Variants in IQGAP2 observed in about 807,000 individuals in gnomAD.
The protein encoded by IQGAP2 is ras GTPase-activating-like protein IQGAP2.
A neutral mutation model predicts 201.3 loss-of-function variants in IQGAP2; 173 were observed. That is an observed-to-expected ratio of 0.86 (90% confidence interval 0.76 to 0.98). The LOEUF (loss-of-function observed/expected upper bound fraction) is 0.98, where lower values mean the gene tolerates loss of function less well. Ranked by LOEUF, IQGAP2 falls within the 50% of genes least tolerant of loss-of-function variation. The pLI is 0.00. For synonymous variants in IQGAP2, 675 were observed against 673.9 expected (o/e 1.00, Z -0.03); for missense variants, 1,687 against 1,864.8 (o/e 0.90, Z 1.76).
chr5:76,692,558 G>A (rs530342535), intron 30 of IQGAP2, among the ~76,000 whole-genome samples: 8 of 152,158 alleles, frequency 5.3e-5, no homozygotes, highest in East Asian at 1.9e-4. Flanking sequence ...ACCTTTGTAC[G>A]TAATTACATA....
chr5:76,440,176 C>A (rs1053693333), intron 1 of IQGAP2, among the ~76,000 whole-genome samples: 1 of 152,038 alleles, frequency 6.6e-6, no homozygotes, highest in African/African-American at 2.4e-5. Flanking sequence ...AAGATAGGAC[C>A]CCAGTCCCTT....
At chr5:76,643,042 CAAA>C (rs909578717) in intron 17 of IQGAP2, among the ~76,000 whole-genome samples, 1 of 151,780 alleles carries the variant, frequency 6.6e-6, no homozygotes, top group African/African-American at 2.4e-5. Flanking sequence ...TGTTCATAAA[CAAA>C]AAAGATTTTA....
chr5:76,659,047 A>G (rs1743014721), intron 21 of IQGAP2, among the ~76,000 whole-genome samples: 1 of 152,186 alleles, frequency 6.6e-6, no homozygotes, highest in Non-Finnish European at 1.5e-5. Flanking sequence ...GTTGACTGAA[A>G]CATTATGTTG....
At chr5:76,552,065 C>T (rs982036578) in intron 2 of IQGAP2, among the ~76,000 whole-genome samples, 1 of 152,168 alleles carries the variant, frequency 6.6e-6, no homozygotes, top group Non-Finnish European at 1.5e-5. Flanking sequence ...TGAACACTTT[C>T]GTTGTGGGGT....
intron 2 of IQGAP2, among the ~76,000 whole-genome samples, chr5:76,539,428 A>G (rs1650565328): frequency 6.6e-6 from 1 of 152,166 alleles, no homozygotes; most frequent in African/African-American, 2.4e-5. Flanking sequence ...ACTCCCTGAC[A>G]TGCTCCGTTC....
At position 76,606,279 on chromosome 5, in the gene IQGAP2, G is replaced by A. The variant is rs747576094; in HGVS notation, c.1333G>A (p.Ala445Thr). 3.8e-5 allele frequency: 61 copies of A among 1,599,034 alleles called. No homozygotes were observed. The highest frequency in any genetic ancestry group is 5.1e-6 in the Non-Finnish European group (6 of 1,172,946). Residue 445 changes from alanine (A) to threonine (T), a missense_variant, in exon 12 of 36, where the codon GCT becomes ACT. Physicochemically the swap from Ala to Thr is moderately conservative, Grantham distance 58. Transcript: ENST00000274364. ...EIQNCIDMVN[A>T]QIQEENDRVV... The stretch of plus-strand genomic sequence containing the variant: ...TCAGAATTGTATTGATATGGTTAAT[G>A]CTCAAATTCAAGAAGAAAATGACCG...
intron 2 of IQGAP2, among the ~76,000 whole-genome samples, chr5:76,525,028 G>A (rs1370856230): frequency 6.6e-6 from 1 of 152,162 alleles, no homozygotes; most frequent in East Asian, 1.9e-4. Context: ...TTATGCATGC[G>A]AGTCTGGTGT....
At chr5:76,529,350 C>T (rs1173882302) in intron 2 of IQGAP2, among the ~76,000 whole-genome samples, 1 of 152,082 alleles carries the variant, frequency 6.6e-6, no homozygotes, top group East Asian at 1.9e-4. Context: ...TTTTTGAGGG[C>T]TGGGCGCAGT....
intron 30 of IQGAP2, among the ~76,000 whole-genome samples, chr5:76,688,411 T>C (rs1580824625): frequency 1.3e-5 from 2 of 152,332 alleles, no homozygotes; most frequent in East Asian, 3.9e-4. Flanking sequence ...ATTATGTTTG[T>C]AAATTTAATT....
chr5:76,551,777 AGGT>A, intron 2 of IQGAP2, among the ~76,000 whole-genome samples: 1 of 151,348 alleles, frequency 6.6e-6, no homozygotes, highest in East Asian at 2.0e-4. Context: ...TCAGGCAGGG[AGGT>A]TGCAGTGAGC....
At chr5:76,560,815 G>A (rs566158638) in intron 2 of IQGAP2, among the ~76,000 whole-genome samples, 17 of 152,158 alleles carry the variant, frequency 1.1e-4, no homozygotes, top group East Asian at 9.6e-4. Context: ...CCTCCCATCC[G>A]TTGGAAATAT....
chr5:76,684,896 C>T (rs1213912232), intron 30 of IQGAP2, among the ~76,000 whole-genome samples: 2 of 152,056 alleles, frequency 1.3e-5, no homozygotes, highest in African/African-American at 4.8e-5. Context: ...AGAGCTTCTT[C>T]ACTGTGCTGT....
At chr5:76,614,566 G>A (rs186076627) in intron 13 of IQGAP2, among the ~76,000 whole-genome samples, 159 of 113,550 alleles carry the variant, frequency 1.4e-3, no homozygotes, top group African/African-American at 5.2e-3. Flanking sequence ...TAATTCTGTT[G>A]TTTGGCAATG....
At chr5:76,622,233 C>A (rs756865284) in intron 13 of IQGAP2, among the ~76,000 whole-genome samples, 1 of 152,166 alleles carries the variant, frequency 6.6e-6, no homozygotes, top group Non-Finnish European at 1.5e-5. Context: ...GAAAACCTTG[C>A]TTCTTTTGCA....
At position 76,403,663 on chromosome 5, in the gene IQGAP2, G is replaced by A; in HGVS notation, c.46+72G>A. On this transcript the variant is annotated intron_variant, in intron 1 of 35. Transcript: ENST00000274364. This position sits in a 1 kb window ranked among gnomAD's most constrained non-coding sequence, Gnocchi z 4.8. ...CCTCCCCGAGGACGGCGTTGGAGAA[G>A]CCGAGGGAGCCGGTTGCGCGGCGCA... 4 of 1,277,908 alleles carry A rather than the reference G, an allele frequency of 3.1e-6. No homozygotes were observed. The highest frequency in any genetic ancestry group is 4.2e-6 in the Non-Finnish European group (4 of 963,696). The allele number at this position is 1,277,908 out of a possible 1,614,324, so 79.2% of individuals were successfully genotyped here. A position where few individuals can be genotyped will look rare whatever the true frequency, so the allele number is the denominator to read the frequency against.
intron 10 of IQGAP2, 83 bp downstream of exon 10, chr5:76,597,685 A>C: frequency 7.0e-7 from 1 of 1,430,450 alleles, no homozygotes; most frequent in South Asian, 1.2e-5. Flanking sequence ...GGAAAGGGGA[A>C]TAGGGATCGG....
chr5:76,477,180 C>CAA (rs543226568), intron 2 of IQGAP2, among the ~76,000 whole-genome samples: 1,510 of 145,250 alleles, frequency 0.01, 25 homozygotes, highest in African/African-American at 0.036. Context: ...GCACAAAATA[C>CAA]AAAAAAAAAA....
At chr5:76,577,624 G>T (rs530230102) in intron 5 of IQGAP2, among the ~76,000 whole-genome samples, 1 of 152,212 alleles carries the variant, frequency 6.6e-6, no homozygotes, top group East Asian at 1.9e-4. Context: ...AGTGTATCTT[G>T]CAGCTTTTTC....
chr5:76,419,119 T>G (rs1054901551), intron 1 of IQGAP2, among the ~76,000 whole-genome samples: 2 of 152,142 alleles, frequency 1.3e-5, no homozygotes, highest in Admixed American at 6.5e-5. Flanking sequence ...TATTCTGGCA[T>G]AGGTGTTTTT....
Sources: allele counts gnomAD v4.1 joint callset (sites outside exome capture counted in the v4.1 genomes callset), GRCh38; gene constraint gnomAD v4.1.1; non-coding constraint Gnocchi (gnomAD v3.1); transcripts MANE v1.5; gene names NCBI Gene and HGNC (gene_info 2026-07-23, HGNC 2026-07-21).